Variants in TSHZ2 observed in about 807,000 individuals in gnomAD.
TSHZ2 encodes teashirt zinc finger homeobox 2.
Under a neutral mutation model 74.4 loss-of-function variants are expected in TSHZ2, and 21 were observed. The observed-to-expected ratio is 0.28, with a 90% CI of 0.20 to 0.41. TSHZ2 has a LOEUF of 0.41. Among genes scored for constraint, TSHZ2 ranks in the 10% least tolerant of loss-of-function variants. TSHZ2 has a pLI of 1.00. For synonymous variants in TSHZ2, 540 were observed against 515.3 expected (o/e 1.05, Z -0.65); for missense variants, 1,244 against 1,293.5 (o/e 0.96, Z 0.59).
chr20:53,079,686 A>T (rs1018508445), intron 1 of TSHZ2, among the ~76,000 whole-genome samples: 8 of 152,216 alleles, frequency 5.3e-5, no homozygotes, highest in African/African-American at 9.6e-5. Context: ...AAACGATAAT[A>T]ACTCTATAAA....
At chr20:53,119,438 G>C (rs1986752052) in intron 1 of TSHZ2, among the ~76,000 whole-genome samples, 1 of 152,184 alleles carries the variant, frequency 6.6e-6, no homozygotes, top group South Asian at 2.1e-4. Context: ...GCTACAGCAA[G>C]AGAGGTCAAG....
intron 1 of TSHZ2, among the ~76,000 whole-genome samples, chr20:53,214,845 T>C (rs1989397640): frequency 6.6e-6 from 1 of 152,206 alleles, no homozygotes; most frequent in African/African-American, 2.4e-5. Context: ...ATTATTATTA[T>C]AATTAATCTA....
chr20:53,012,134 A>G (rs936378809), intron 1 of TSHZ2, among the ~76,000 whole-genome samples: 3 of 152,162 alleles, frequency 2.0e-5, no homozygotes, highest in African/African-American at 4.8e-5. Flanking sequence ...TCAATGTACA[A>G]TATTTCGAGA....
At chr20:53,032,889 A>G (rs1600656504) in intron 1 of TSHZ2, among the ~76,000 whole-genome samples, 1 of 152,036 alleles carries the variant, frequency 6.6e-6, no homozygotes, top group African/African-American at 2.4e-5. Flanking sequence ...CAGTCACTTC[A>G]CTTCTCTGCA....
Position 53,253,739 on chromosome 20 carries a change from A to C in TSHZ2, c.281A>C (p.Asp94Ala). The C allele has an allele frequency of 1.2e-6, 2 of 1,614,234 alleles. No individual in the cohort carries two copies. The highest frequency in any genetic ancestry group is 1.7e-6 in the Non-Finnish European group (2 of 1,180,042). The change falls in exon 2 of 3, where the codon GAC becomes GCC. Residue 94 changes from aspartate to alanine, a missense_variant. Transcript: ENST00000371497. ...AGTGACGCCAGTGATCAGGTGTCGG[A>C]CATCAAGAGTGTCTGCGGCAGAGAT... Reference protein sequence around the residue: ...LLSDASDQVSDIKSVCGRDAS... With the variant: ...LLSDASDQVSAIKSVCGRDAS...
intron 2 of TSHZ2, among the ~76,000 whole-genome samples, chr20:53,443,419 C>T (rs1463673726): frequency 1.3e-5 from 2 of 152,128 alleles, no homozygotes; most frequent in Admixed American, 6.5e-5. Context: ...TCTTGATCAA[C>T]TCTAAATAGG....
rs118054057 is a variant in TSHZ2, at chr20:53,471,137, G to A, written c.*9-16007G>A. On this transcript the variant is annotated intron_variant, in intron 2 of 2. Coordinates refer to ENST00000371497, the MANE Select transcript of TSHZ2 (RefSeq NM_173485.6). The stretch of plus-strand genomic sequence containing the variant: ...TCTGGAGTCCGCTTGTGTTTCCTTG[G>A]GCTATTTTTCCAGTCTCTTTCCATG... Among the ~76,000 whole-genome samples, 643 of 152,180 alleles carry A rather than the reference G, an allele frequency of 4.2e-3. 4 individuals carry two copies. The highest frequency in any genetic ancestry group is 0.02 in the Middle Eastern group (6 of 294).
chr20:53,042,115 C>T (rs948210104), intron 1 of TSHZ2, among the ~76,000 whole-genome samples: 3 of 151,982 alleles, frequency 2.0e-5, no homozygotes, highest in African/African-American at 2.4e-5. Flanking sequence ...GTTTCAAAAG[C>T]ATATATATTA....
intron 2 of TSHZ2, among the ~76,000 whole-genome samples, chr20:53,348,463 C>A (rs1228423207): frequency 6.6e-6 from 1 of 151,286 alleles, no homozygotes; most frequent in Non-Finnish European, 1.5e-5. Context: ...TGAGGATAGT[C>A]AAGAACCATG....
chr20:53,067,652 C>T (rs913677616), intron 1 of TSHZ2, among the ~76,000 whole-genome samples: 3 of 152,208 alleles, frequency 2.0e-5, no homozygotes, highest in Admixed American at 2.0e-4. Flanking sequence ...CTGACCCTCT[C>T]TAACTTGGTG....
chr20:52,988,598 A>G (rs1568707280), intron 1 of TSHZ2, among the ~76,000 whole-genome samples: 1 of 152,212 alleles, frequency 6.6e-6, no homozygotes, highest in Non-Finnish European at 1.5e-5. Context: ...GTAGAAAAAA[A>G]AAAAAAAGAT....
At chr20:53,478,600 C>T (rs2145850366) in intron 2 of TSHZ2, among the ~76,000 whole-genome samples, 1 of 151,202 alleles carries the variant, frequency 6.6e-6, no homozygotes. Flanking sequence ...CAGCATGGCA[C>T]ATGTATACAT....
intron 1 of TSHZ2, among the ~76,000 whole-genome samples, chr20:53,006,229 G>A (rs947168549): frequency 5.3e-5 from 8 of 152,182 alleles, no homozygotes; most frequent in African/African-American, 1.9e-4. Context: ...AAAAATGTTT[G>A]CATCCCTACT....
chr20:52,993,586 T>G (rs1416715019), intron 1 of TSHZ2, among the ~76,000 whole-genome samples: 2 of 152,228 alleles, frequency 1.3e-5, no homozygotes, highest in Admixed American at 1.3e-4. Context: ...CGCTTGTTTG[T>G]AACTGCAATT....
chr20:53,256,633 G>A lies in TSHZ2; in HGVS notation c.*8+62G>A, dbSNP rs200765590. On this transcript the variant is annotated intron_variant, in intron 2 of 2. Coordinates refer to ENST00000371497, the MANE Select transcript of TSHZ2 (RefSeq NM_173485.6). This position sits in a 1 kb window ranked among gnomAD's most constrained non-coding sequence, Gnocchi z 4.3. ...TGAGGAGCTTTCTTACAGGGAGATGGGTCTGCTTAGAGGCAGCTAGCATCT... is the reference window on the plus strand; with the variant it reads ...TGAGGAGCTTTCTTACAGGGAGATGAGTCTGCTTAGAGGCAGCTAGCATCT... 12 of 1,508,042 alleles carry A rather than the reference G, an allele frequency of 8.0e-6. No homozygotes were observed. The highest frequency in any genetic ancestry group is 1.1e-5 in the Non-Finnish European group (12 of 1,126,636). The allele number at this position is 1,508,042 out of a possible 1,614,324, so 93.4% of individuals were successfully genotyped here. A position where few individuals can be genotyped will look rare whatever the true frequency, so the allele number is the denominator to read the frequency against.
intron 1 of TSHZ2, among the ~76,000 whole-genome samples, chr20:53,143,696 A>AAATG (rs1211307847): frequency 2.0e-5 from 3 of 151,356 alleles, no homozygotes; most frequent in Non-Finnish European, 4.4e-5. Flanking sequence ...CGTCTCAAAA[A>AAATG]AATAAATAAA....
At chr20:53,469,084 T>TATATATATATATATATATATAC (rs1351403317) in intron 2 of TSHZ2, among the ~76,000 whole-genome samples, 1 of 132,352 alleles carries the variant, frequency 7.6e-6, no homozygotes, top group African/African-American at 2.8e-5. Flanking sequence ...TATATATATA[T>TATATATATATATATATATATAC]GTACATATTC....
At chr20:52,977,472 A>G (rs1981390805) in intron 1 of TSHZ2, among the ~76,000 whole-genome samples, 1 of 149,782 alleles carries the variant, frequency 6.7e-6, no homozygotes. Flanking sequence ...ACACACACGC[A>G]TGGACACAAT....
chr20:53,323,826 C>T (rs1380353790), intron 2 of TSHZ2, among the ~76,000 whole-genome samples: 1 of 152,096 alleles, frequency 6.6e-6, no homozygotes, highest in African/African-American at 2.4e-5. Context: ...GATCCACCCG[C>T]CCCGGCCTCC....
Sources: gnomAD v4.1 joint callset for allele counts (sites outside exome capture counted in the v4.1 genomes callset) on GRCh38, gnomAD v4.1.1 for gene constraint, Gnocchi (gnomAD v3.1) non-coding constraint, MANE v1.5 for transcripts, NCBI Gene and HGNC (gene_info 2026-07-23, HGNC 2026-07-21) for gene names.